Variants in GNG12 observed in about 807,000 individuals in gnomAD.
GNG12 encodes G protein subunit gamma 12, also known as guanine nucleotide-binding protein G(I)/G(S)/G(O) subunit gamma-12.
For missense variants in GNG12, 69 were observed against 83.8 expected, an observed-to-expected ratio of 0.82 and a Z score of 0.69; for synonymous variants, 28 against 29.7, an observed-to-expected ratio of 0.94 and a Z score of 0.19.
chr1:67,809,406 G>T (rs1459275964), intron 1 of GNG12, among the ~76,000 whole-genome samples: 1 of 152,004 alleles, frequency 6.6e-6, no homozygotes, highest in Non-Finnish European at 1.5e-5. Context: ...CAACACCAAA[G>T]GCATGAACCA....
intron 1 of GNG12, among the ~76,000 whole-genome samples, chr1:67,824,240 TGGA>T (rs1201788341): frequency 6.6e-6 from 1 of 152,112 alleles, no homozygotes; most frequent in East Asian, 1.9e-4. Flanking sequence ...CTGGGCACGG[TGGA>T]TCAGGCCTGT....
At chr1:67,801,188 C>T (rs1176508234) in intron 1 of GNG12, among the ~76,000 whole-genome samples, 2 of 152,170 alleles carry the variant, frequency 1.3e-5, no homozygotes, top group East Asian at 1.9e-4. Flanking sequence ...TTCCTCAAAA[C>T]GGTCCCAGAA....
chr1:67,745,131 GAAAT>G (rs1431528481), intron 2 of GNG12, among the ~76,000 whole-genome samples: 1 of 152,204 alleles, frequency 6.6e-6, no homozygotes, highest in African/African-American at 2.4e-5. Context: ...TTAAGTGTGT[GAAAT>G]AAATAAAAAT....
At chr1:67,707,165 T>C (rs892244383) in intron 3 of GNG12, among the ~76,000 whole-genome samples, 3 of 152,210 alleles carry the variant, frequency 2.0e-5, no homozygotes, top group Admixed American at 2.0e-4. Flanking sequence ...TTTAAAAGCT[T>C]CATTTCCCTA....
intron 2 of GNG12, among the ~76,000 whole-genome samples, chr1:67,734,510 T>C (rs748003635): frequency 6.6e-6 from 1 of 152,176 alleles, no homozygotes; most frequent in Non-Finnish European, 1.5e-5. Context: ...ACTACACAGA[T>C]GGGGGAAGTG....
intron 1 of GNG12, among the ~76,000 whole-genome samples, chr1:67,778,124 A>T (rs1226351897): frequency 2.7e-5 from 4 of 149,772 alleles, no homozygotes; most frequent in Admixed American, 6.7e-5. Flanking sequence ...ATACATAATT[A>T]TAATAAAATA....
intron 1 of GNG12, among the ~76,000 whole-genome samples, chr1:67,781,426 G>C (rs1415847466): frequency 6.6e-6 from 1 of 152,198 alleles, no homozygotes; most frequent in Non-Finnish European, 1.5e-5. Flanking sequence ...AGGTGCTGGA[G>C]ATGCAGTGGT....
intron 2 of GNG12, among the ~76,000 whole-genome samples, chr1:67,741,817 C>CTA (rs954309259): frequency 1.3e-5 from 2 of 152,106 alleles, no homozygotes; most frequent in Admixed American, 6.6e-5. Flanking sequence ...TTTCATGGAG[C>CTA]TAACATTCAG....
intron 1 of GNG12, among the ~76,000 whole-genome samples, chr1:67,831,547 T>C (rs959270547): frequency 2.0e-5 from 3 of 152,198 alleles, no homozygotes; most frequent in African/African-American, 7.2e-5. Context: ...ACAGCAAAAA[T>C]AGGACTGCAT....
At chr1:67,712,703 A>G (rs2100677153) in intron 2 of GNG12, among the ~76,000 whole-genome samples, 1 of 152,078 alleles carries the variant, frequency 6.6e-6, no homozygotes, top group African/African-American at 2.4e-5. Flanking sequence ...AAAAAAAAAA[A>G]GTTAACCCAG....
At chr1:67,752,888 T>C (rs188004696) in intron 2 of GNG12, among the ~76,000 whole-genome samples, 105 of 152,320 alleles carry the variant, frequency 6.9e-4, no homozygotes, top group African/African-American at 2.4e-3. Flanking sequence ...TGTCCCTGTG[T>C]CCTTACAAAA....
chr1:67,718,947 C>T (rs1332135527), intron 2 of GNG12, among the ~76,000 whole-genome samples: 1 of 152,176 alleles, frequency 6.6e-6, no homozygotes, highest in African/African-American at 2.4e-5. Flanking sequence ...CTACTGAATC[C>T]TCAAATGGCC....
At chr1:67,761,704 C>T (rs568115485) in intron 2 of GNG12, among the ~76,000 whole-genome samples, 7 of 152,262 alleles carry the variant, frequency 4.6e-5, no homozygotes, top group African/African-American at 7.2e-5. Context: ...TATCCGAGAT[C>T]GGCAAACTCT....
At chr1:67,762,525 G>C (rs1462384390) in intron 2 of GNG12, among the ~76,000 whole-genome samples, 1 of 151,668 alleles carries the variant, frequency 6.6e-6, no homozygotes, top group Non-Finnish European at 1.5e-5. Flanking sequence ...AGAAAAACAA[G>C]AGAAAAGTTT....
At chr1:67,778,033 T>C (rs1646716258) in intron 1 of GNG12, among the ~76,000 whole-genome samples, 1 of 151,236 alleles carries the variant, frequency 6.6e-6, no homozygotes, top group Non-Finnish European at 1.5e-5. Flanking sequence ...CCAAGCCACA[T>C]ACTATTAAAA....
chr1:67,726,728 A>G (rs901552389), intron 2 of GNG12, among the ~76,000 whole-genome samples: 1 of 152,240 alleles, frequency 6.6e-6, no homozygotes, highest in Non-Finnish European at 1.5e-5. Context: ...ACATCTCTAA[A>G]TCAAAATATA....
At chr1:67,785,469 TCA>T (rs1224698434) in intron 1 of GNG12, among the ~76,000 whole-genome samples, 1 of 152,160 alleles carries the variant, frequency 6.6e-6, no homozygotes, top group African/African-American at 2.4e-5. Context: ...CTACTTTTTA[TCA>T]CAGATATTTG....
chr1:67,705,556 G>A lies in GNG12; in HGVS notation c.114C>T (p.Asp38=). 1 of 1,609,472 alleles carries A rather than the reference G, an allele frequency of 6.2e-7. No individual in the cohort carries two copies. Residue 38 remains aspartate (D), a synonymous_variant, in exon 4 of 4, where the codon GAC becomes GAT. Coordinates refer to ENST00000370982, the MANE Select transcript of GNG12 (RefSeq NM_018841.6). ...ERIKVSKASA[D]LMSYCEEHAR... is the part of the protein sequence containing the mutation. ...CATGTTCCTCACAGTAGGACATGAGGTCCGCTGATGCCTTCGAAACCTGAC... is the reference window on the plus strand; with the variant it reads ...CATGTTCCTCACAGTAGGACATGAGATCCGCTGATGCCTTCGAAACCTGAC...
At chr1:67,807,671 G>A (rs974240377) in intron 1 of GNG12, among the ~76,000 whole-genome samples, 1 of 151,874 alleles carries the variant, frequency 6.6e-6, no homozygotes, top group African/African-American at 2.4e-5. Flanking sequence ...AGGCTAATAA[G>A]GGAATAAATG....
Sources: allele counts gnomAD v4.1 joint callset (sites outside exome capture counted in the v4.1 genomes callset), GRCh38; gene constraint gnomAD v4.1.1; transcripts MANE v1.5; gene names NCBI Gene and HGNC (gene_info 2026-07-23, HGNC 2026-07-21).